Variants in DGKI observed in about 807,000 individuals in gnomAD.
The protein encoded by DGKI is DAG kinase iota.
In DGKI, 55 loss-of-function variants were observed where a neutral mutation model predicts 147.5. That is an observed-to-expected ratio of 0.37 (90% CI 0.30 to 0.47). The LOEUF (loss-of-function observed/expected upper bound fraction) is 0.47, where lower values mean the gene tolerates loss of function less well. DGKI is among the 20% of genes least tolerant of loss of function. The pLI, the probability that DGKI is intolerant of heterozygous loss-of-function variation, is 1.00. For missense variants in DGKI, 1,007 were observed against 1,323.8 expected (o/e 0.76, Z 3.71); for synonymous variants, 469 against 477.1 (o/e 0.98, Z 0.22).
At position 137,846,576 on chromosome 7, in the gene DGKI, G is replaced by C. The variant is rs769151879; in HGVS notation, c.287C>G (p.Ala96Gly). Residue 96 changes from alanine (A) to glycine (G), a missense_variant, in exon 1 of 33, where the codon GCG (alanine) becomes GGG (glycine). By Grantham distance (60) the Ala-to-Gly change is moderately conservative. Transcript: ENST00000614521. This position sits in a 1 kb window ranked among gnomAD's most constrained non-coding sequence, Gnocchi z 4.0. ...GTCCAGGGCAGCGGCCCCCGCCGCCGCGGCTGACCCTGCGCCCCGCGGGTC... is the reference window on the plus strand; with the variant it reads ...GTCCAGGGCAGCGGCCCCCGCCGCCCCGGCTGACCCTGCGCCCCGCGGGTC... ...GADPRGAGSA[A>G]AAGAAALDEP... is the part of the protein sequence containing the mutation. The C allele has an allele frequency of 1.5e-6, 2 of 1,345,586 alleles. No homozygotes were observed. The highest frequency in any genetic ancestry group is 3.0e-5 in the South Asian group (2 of 65,896). 83.4% of individuals were successfully genotyped at this position (1,345,586 alleles called of 1,614,324 possible).
chr7:137,388,167 T>C lies in DGKI; in HGVS notation c.*3053A>G, dbSNP rs1450254024. 6.6e-6 allele frequency: 1 copy of C among 152,232 alleles called. No individual in the cohort carries two copies. Among genetic ancestry groups the C allele is most frequent in the Non-Finnish European group, 1.5e-5 (1 of 68,042 alleles). The allele number at this position is 152,232 out of a possible 1,614,324, so 9.4% of individuals were successfully genotyped here. On this transcript the variant is annotated 3_prime_UTR_variant, in exon 33 of 33. Transcript: ENST00000614521. ...GCAAAATTCCTAGTCATGGTATTTA[T>C]TCCATTCTTGGCTTACTAATCTTCT...
At chr7:137,521,617 A>G (rs1816964427) in intron 21 of DGKI, among the ~76,000 whole-genome samples, 1 of 152,112 alleles carries the variant, frequency 6.6e-6, no homozygotes, top group African/African-American at 2.4e-5. Flanking sequence ...TAAAGTGGCG[A>G]ATAAGCCAAG....
intron 21 of DGKI, among the ~76,000 whole-genome samples, chr7:137,500,166 A>C (rs1534460): frequency 0.012 from 1,809 of 152,240 alleles, 31 homozygotes; most frequent in African/African-American, 0.041. Flanking sequence ...ATTATACTAC[A>C]AATTACCCCT....
At chr7:137,484,232 T>A (rs1815472593) in intron 23 of DGKI, among the ~76,000 whole-genome samples, 2 of 152,188 alleles carry the variant, frequency 1.3e-5, no homozygotes, top group Middle Eastern at 3.4e-3. Flanking sequence ...GAGGGTATCA[T>A]TGGTAGGGGG....
chr7:137,410,539 T>C (rs1305322240), intron 29 of DGKI, among the ~76,000 whole-genome samples: 1 of 152,260 alleles, frequency 6.6e-6, no homozygotes, highest in Non-Finnish European at 1.5e-5. Flanking sequence ...ACCAAATTAC[T>C]TTTGCACCAA....
chr7:137,423,349 T>C (rs1274446679), intron 28 of DGKI, among the ~76,000 whole-genome samples: 1 of 152,186 alleles, frequency 6.6e-6, no homozygotes, highest in Non-Finnish European at 1.5e-5. Context: ...TCAGGGTCCC[T>C]GAACTCACTG....
intron 6 of DGKI, among the ~76,000 whole-genome samples, chr7:137,632,672 C>T (rs1207289277): frequency 1.3e-5 from 2 of 151,794 alleles, no homozygotes; most frequent in East Asian, 3.9e-4. Context: ...TCCTGGCCAA[C>T]ATGGTGAAAC....
At chr7:137,687,419 A>C (rs781593655) in intron 2 of DGKI, among the ~76,000 whole-genome samples, 1 of 152,206 alleles carries the variant, frequency 6.6e-6, no homozygotes, top group Non-Finnish European at 1.5e-5. Flanking sequence ...AAGATGAGGG[A>C]ATCAAACAAG....
At chr7:137,463,676 T>G in intron 26 of DGKI, 65 bp from the exon 27 acceptor site, 2 of 1,577,272 alleles carry the variant, frequency 1.3e-6, no homozygotes, top group East Asian at 4.5e-5. Context: ...TCGTTTCCAC[T>G]TTCTGAAGAT....
chr7:137,559,217 G>A lies in DGKI; in HGVS notation c.1948-6649C>T, dbSNP rs1473524237. Among the ~76,000 whole-genome samples the A allele has an allele frequency of 5.4e-5, 8 of 148,564 alleles. No individual in the cohort carries two copies. In the South Asian group the frequency reaches 8.6e-4, roughly 16 times the overall value. ...CTCCCAAGTAGCTGGGACTACAGGC[G>A]CCCGCCACTACGCCCGGCTAATTTT... is the stretch of plus-strand genomic sequence containing the variant. On this transcript the variant is annotated intron_variant, in intron 19 of 32. Transcript: ENST00000614521.
chr7:137,588,728 G>A (rs1309782179), intron 12 of DGKI, among the ~76,000 whole-genome samples: 3 of 151,912 alleles, frequency 2.0e-5, no homozygotes, highest in African/African-American at 7.3e-5. Flanking sequence ...TGCCCACCTC[G>A]GCCTCCCAAA....
intron 1 of DGKI, among the ~76,000 whole-genome samples, chr7:137,747,812 T>TAAACC (rs1295678462): frequency 6.6e-6 from 1 of 152,158 alleles, no homozygotes; most frequent in Non-Finnish European, 1.5e-5. Context: ...GTAGGCAACC[T>TAAACC]AAACCCCTAC....
At chr7:137,785,031 A>G (rs921272730) in intron 1 of DGKI, among the ~76,000 whole-genome samples, 4 of 152,038 alleles carry the variant, frequency 2.6e-5, no homozygotes, top group African/African-American at 7.2e-5. Context: ...AAAGAGCACA[A>G]ATAGACGATC....
At chr7:137,528,360 GTTC>G (rs1817225271) in intron 20 of DGKI, among the ~76,000 whole-genome samples, 1 of 152,172 alleles carries the variant, frequency 6.6e-6, no homozygotes, top group South Asian at 2.1e-4. Context: ...TGAACTACCT[GTTC>G]TTCAATTAAA....
At chr7:137,493,739 G>C (rs1340461978) in intron 21 of DGKI, 1 of 701,132 alleles carries the variant, frequency 1.4e-6, no homozygotes, top group Non-Finnish European at 2.6e-6. Flanking sequence ...AAAAGAACCA[G>C]CGCGAGAACT....
intron 1 of DGKI, among the ~76,000 whole-genome samples, chr7:137,714,971 C>G (rs529551493): frequency 2.0e-5 from 3 of 152,146 alleles, no homozygotes; most frequent in Non-Finnish European, 4.4e-5. Flanking sequence ...TCTAGGCATT[C>G]ATATTGTTAT....
chr7:137,560,108 G>GT (rs1281480650), intron 19 of DGKI, among the ~76,000 whole-genome samples: 1 of 152,022 alleles, frequency 6.6e-6, no homozygotes, highest in African/African-American at 2.4e-5. Context: ...CACATACGAT[G>GT]TATCATCCAC....
intron 1 of DGKI, among the ~76,000 whole-genome samples, chr7:137,721,030 A>C (rs574344240): frequency 1.3e-5 from 2 of 152,104 alleles, no homozygotes; most frequent in Non-Finnish European, 2.9e-5. Context: ...ACCTTTTTGC[A>C]TAACAACCTA....
At chr7:137,563,661 C>T (rs1818491062) in intron 19 of DGKI, among the ~76,000 whole-genome samples, 1 of 151,556 alleles carries the variant, frequency 6.6e-6, no homozygotes, top group Non-Finnish European at 1.5e-5. Flanking sequence ...TATATATTAG[C>T]AATAATTAAA....
Sources: gnomAD v4.1 joint callset for allele counts (sites outside exome capture counted in the v4.1 genomes callset) on GRCh38, gnomAD v4.1.1 for gene constraint, Gnocchi (gnomAD v3.1) non-coding constraint, MANE v1.5 for transcripts, NCBI Gene and HGNC (gene_info 2026-07-23, HGNC 2026-07-21) for gene names.